The following TMEM132D variants were observed in gnomAD, a reference collection of about 807,000 sequenced individuals.
TMEM132D encodes the protein mature OL transmembrane protein.
TMEM132D carries 21 observed loss-of-function variants against 62.3 expected under a neutral mutation model. That is an observed-to-expected ratio of 0.34 (90% CI 0.24 to 0.49). The LOEUF (loss-of-function observed/expected upper bound fraction) is 0.49. Ranked by LOEUF, TMEM132D falls within the 20% of genes least tolerant of loss-of-function variation. The pLI, the probability that TMEM132D is intolerant of heterozygous loss-of-function variation, is 0.99. For synonymous variants in TMEM132D, 621 were observed against 575.6 expected, an observed-to-expected ratio of 1.08 and a Z score of -1.13; for missense variants, 1,346 against 1,402.8, an observed-to-expected ratio of 0.96 and a Z score of 0.65.
At chr12:129,195,817 A>G (rs539935844) in intron 5 of TMEM132D, among the ~76,000 whole-genome samples, 4 of 152,308 alleles carry the variant, frequency 2.6e-5, no homozygotes, top group African/African-American at 7.2e-5. Flanking sequence ...AACAACAGAA[A>G]AAAACTGAGG....
intron 2 of TMEM132D, among the ~76,000 whole-genome samples, chr12:129,698,997 T>C (rs1188535941): frequency 6.6e-6 from 1 of 152,130 alleles, no homozygotes; most frequent in Non-Finnish European, 1.5e-5. Context: ...GGTCAAATTG[T>C]TGAGTTATGT....
intron 1 of TMEM132D, among the ~76,000 whole-genome samples, chr12:129,815,191 A>G (rs1872308522): frequency 6.6e-6 from 1 of 152,228 alleles, no homozygotes; most frequent in South Asian, 2.1e-4. Context: ...TAGTATATAC[A>G]TGTGATGGAT....
At chr12:129,226,189 A>G (rs1250942635) in intron 4 of TMEM132D, among the ~76,000 whole-genome samples, 3 of 152,230 alleles carry the variant, frequency 2.0e-5, no homozygotes, top group African/African-American at 7.2e-5. Context: ...TCAGTGAAGC[A>G]TTGGAGGCTT....
intron 1 of TMEM132D, among the ~76,000 whole-genome samples, chr12:129,714,408 C>T (rs1868488821): frequency 6.6e-6 from 1 of 152,160 alleles, no homozygotes; most frequent in Admixed American, 6.5e-5. Context: ...GACTGTCATT[C>T]GGGCTGCAGG....
chr12:129,755,556 C>T (rs1378201188), intron 1 of TMEM132D, among the ~76,000 whole-genome samples: 6 of 152,126 alleles, frequency 3.9e-5, no homozygotes, highest in Non-Finnish European at 8.8e-5. Flanking sequence ...GCAAACAAAG[C>T]AAATTGGTGC....
Position 129,265,447 on chromosome 12 carries a change from A to T in TMEM132D, c.1300-55784T>A, listed in dbSNP as rs184662310. 1.0e-3 allele frequency among the ~76,000 whole-genome samples: 154 copies of T among 152,284 alleles called. 1 individual carries two copies. The highest frequency in any genetic ancestry group is 3.4e-3 in the African/African-American group (142 of 41,574). ...TTTTGGTCCGAATTTGGCACCTAGAACTATAAGCATGGTAAGTAATCCACC... is the reference window on the plus strand; with the variant it reads ...TTTTGGTCCGAATTTGGCACCTAGATCTATAAGCATGGTAAGTAATCCACC... On this transcript the variant is annotated intron_variant, in intron 4 of 8. Coordinates refer to ENST00000422113, the MANE Select transcript of TMEM132D (RefSeq NM_133448.3).
intron 5 of TMEM132D, among the ~76,000 whole-genome samples, chr12:129,164,140 A>G (rs932004417): frequency 2.0e-5 from 3 of 152,198 alleles, no homozygotes; most frequent in African/African-American, 7.2e-5. Context: ...GCCTGGACTG[A>G]AAAAAACCAC....
intron 5 of TMEM132D, among the ~76,000 whole-genome samples, chr12:129,198,765 G>A (rs1014366814): frequency 6.6e-6 from 1 of 152,054 alleles, no homozygotes; most frequent in Non-Finnish European, 1.5e-5. Context: ...ATTTCAAAAC[G>A]TGTCAAGAGA....
rs147409587 is a variant in TMEM132D at position 129,816,995 on chromosome 12, G to A, written c.79+86266C>T. Among the ~76,000 whole-genome samples, 3 of 152,274 alleles carry A rather than the reference G, an allele frequency of 2.0e-5. No homozygotes were observed. In the East Asian group the frequency reaches 5.8e-4, roughly 29 times the overall value. On this transcript the variant is annotated intron_variant, in intron 1 of 8. Transcript: ENST00000422113. ...CTAATTTTATCAAGAATAGCACTTGGCTAATTAGACAGGAGTCAGTTTAAT... is the reference window on the plus strand; with the variant it reads ...CTAATTTTATCAAGAATAGCACTTGACTAATTAGACAGGAGTCAGTTTAAT...
chr12:129,548,461 A>C (rs555817863), intron 2 of TMEM132D, among the ~76,000 whole-genome samples: 1 of 152,172 alleles, frequency 6.6e-6, no homozygotes, highest in Non-Finnish European at 1.5e-5. Flanking sequence ...GAATAGGAAG[A>C]TTTTTCAAGA....
chr12:129,497,588 G>A (rs1204278330), intron 3 of TMEM132D, among the ~76,000 whole-genome samples: 9 of 151,902 alleles, frequency 5.9e-5, no homozygotes, highest in Admixed American at 3.3e-4. Flanking sequence ...AATGGCAAAT[G>A]TCTATCTAGG....
In TMEM132D at chr12:129,779,831, G is replaced by C. The variant is rs560432309; in HGVS notation, c.80-79133C>G. 1.3e-5 allele frequency among the ~76,000 whole-genome samples: 2 copies of C among 152,140 alleles called. No individual in the cohort carries two copies. Among genetic ancestry groups the C allele is most frequent in the African/African-American group, 2.4e-5 (1 of 41,428 alleles). On this transcript the variant is annotated intron_variant, in intron 1 of 8. Transcript: ENST00000422113. This position sits in a 1 kb window ranked among gnomAD's most constrained non-coding sequence, Gnocchi z 4.1. ...CTCTATGCCACTTGGGGAAGACAGA[G>C]AGAAATGAACTGAGCTGCGAGGACA...
At chr12:129,087,342 T>C (rs1031146055) in intron 5 of TMEM132D, among the ~76,000 whole-genome samples, 1 of 151,940 alleles carries the variant, frequency 6.6e-6, no homozygotes, top group Non-Finnish European at 1.5e-5. Context: ...CCACCGTATA[T>C]ATACACCACA....
chr12:129,740,663 C>A (rs189427550), intron 1 of TMEM132D, among the ~76,000 whole-genome samples: 1 of 152,162 alleles, frequency 6.6e-6, no homozygotes, highest in Admixed American at 6.5e-5. Flanking sequence ...CCCAACATTA[C>A]AAAGCACAGA....
At chr12:129,574,742 G>C (rs1022000317) in intron 2 of TMEM132D, among the ~76,000 whole-genome samples, 1 of 151,732 alleles carries the variant, frequency 6.6e-6, no homozygotes, top group African/African-American at 2.4e-5. Flanking sequence ...ACAATATCAC[G>C]GTGGGTCCCA....
intron 4 of TMEM132D, among the ~76,000 whole-genome samples, chr12:129,321,915 T>C (rs1868729399): frequency 6.6e-6 from 1 of 152,240 alleles, no homozygotes; most frequent in Non-Finnish European, 1.5e-5. Flanking sequence ...TCCTGCTCTT[T>C]GTCGGACACA....
At chr12:129,391,053 T>C (rs1384452614) in intron 3 of TMEM132D, among the ~76,000 whole-genome samples, 2 of 152,210 alleles carry the variant, frequency 1.3e-5, no homozygotes, top group African/African-American at 4.8e-5. Context: ...CTTATAACTA[T>C]TGAATCATTA....
chr12:129,682,272 C>A (rs892952675), intron 2 of TMEM132D, among the ~76,000 whole-genome samples: 5 of 152,154 alleles, frequency 3.3e-5, no homozygotes, highest in African/African-American at 1.2e-4. Context: ...AATGTGGTGC[C>A]ACCAAGTGTG....
intron 2 of TMEM132D, among the ~76,000 whole-genome samples, chr12:129,667,394 C>T (rs990975131): frequency 4.6e-5 from 7 of 151,984 alleles, no homozygotes; most frequent in African/African-American, 2.4e-5. Context: ...GCAGGGGGAA[C>T]AAAAGGGAAG....
Sources: gnomAD v4.1 joint callset for allele counts (sites outside exome capture counted in the v4.1 genomes callset) on GRCh38, gnomAD v4.1.1 for gene constraint, Gnocchi (gnomAD v3.1) non-coding constraint, MANE v1.5 for transcripts, NCBI Gene and HGNC (gene_info 2026-07-23, HGNC 2026-07-21) for gene names.